PTCHD1: variants seen among roughly 807,000 people sequenced by gnomAD.
The protein encoded by PTCHD1 is patched domain containing 1, also known as patched domain-containing protein 1.
PTCHD1 carries 3 observed loss-of-function variants against 34.6 expected under a neutral mutation model. That is an observed-to-expected ratio of 0.09 (90% CI 0.04 to 0.22). The LOEUF is 0.22. Among genes scored for constraint, PTCHD1 ranks in the 10% least tolerant of loss-of-function variants. PTCHD1 has a pLI of 1.00. For synonymous variants in PTCHD1, 305 were observed against 283.1 expected (o/e 1.08, Z -0.77); for missense variants, 504 against 685.5 (o/e 0.74, Z 2.96).
chrX:23,365,916 T>G (rs910985873), intron 1 of PTCHD1, among the ~76,000 whole-genome samples: 1 of 112,259 alleles, frequency 8.9e-6, no homozygotes, highest in Non-Finnish European at 1.9e-5. Flanking sequence ...GACTGCACTT[T>G]AGAAGTGTAC....
At chrX:23,360,569 A>G (rs1039197840) in intron 1 of PTCHD1, among the ~76,000 whole-genome samples, 2 of 110,646 alleles carry the variant, frequency 1.8e-5, no homozygotes, top group African/African-American at 6.6e-5. Context: ...CTAGTGGTCT[A>G]TCTATTTTGT....
intron 2 of PTCHD1, among the ~76,000 whole-genome samples, chrX:23,380,829 C>T (rs1021125953): frequency 9.0e-6 from 1 of 111,423 alleles, no homozygotes. Context: ...TTCCCACAGA[C>T]CCTTTGTGAT....
chrX:23,366,027 C>T lies in PTCHD1; in HGVS notation c.352-13564C>T, dbSNP rs186090515. On this transcript the variant is annotated intron_variant, in intron 1 of 2. Transcript: ENST00000379361. ...AGACCCAAACCTGGGAAATGCAGCC[C>T]AAATGTTTAATCAGTACCATGGAGC... Among the ~76,000 whole-genome samples, 4 of 112,145 alleles carry T rather than the reference C, an allele frequency of 3.6e-5. No homozygotes were observed. In the Admixed American group the frequency reaches 3.8e-4, roughly 11 times the overall value.
rs1013217061 is a variant in PTCHD1, at chrX:23,394,710, G to A, written c.*525G>A. The A allele has an allele frequency of 8.7e-6, 1 of 114,695 alleles. No individual in the cohort carries two copies. The highest frequency in any genetic ancestry group is 1.8e-5 in the Non-Finnish European group (1 of 54,556). 9.5% of individuals were successfully genotyped at this position (114,695 alleles called of 1,213,427 possible). A position where few individuals can be genotyped will look rare whatever the true frequency, so the allele number is the denominator to read the frequency against. On this transcript the variant is annotated 3_prime_UTR_variant, in exon 3 of 3. Transcript: ENST00000379361. ...TCTCACCTAGCTCCCTAACACTGAA[G>A]GAGATACTTGTGAAAGTTCTGACCA...
intron 1 of PTCHD1, among the ~76,000 whole-genome samples, chrX:23,371,921 A>G (rs1187943259): frequency 9.0e-6 from 1 of 111,477 alleles, no homozygotes; most frequent in African/African-American, 3.3e-5. Context: ...CATGCCCATG[A>G]TGAGACAAAC....
chrX:23,361,496 T>G (rs1444910140), intron 1 of PTCHD1, among the ~76,000 whole-genome samples: 1 of 111,771 alleles, frequency 8.9e-6, no homozygotes, highest in South Asian at 3.8e-4. Flanking sequence ...GTTTTCCATT[T>G]GCTTGGTAGA....
At chrX:23,349,457 A>G (rs192221411) in intron 1 of PTCHD1, among the ~76,000 whole-genome samples, 2 of 112,122 alleles carry the variant, frequency 1.8e-5, no homozygotes, top group East Asian at 5.6e-4. Context: ...GTTAAAAGTA[A>G]AGGGATGGGG....
chrX:23,340,691 A>C (rs1921285476), intron 1 of PTCHD1, among the ~76,000 whole-genome samples: 1 of 112,190 alleles, frequency 8.9e-6, no homozygotes, highest in Non-Finnish European at 1.9e-5. Flanking sequence ...TTCGGTTTAG[A>C]AGGCACCTTA....
chrX:23,363,265 C>G (rs1320048707), intron 1 of PTCHD1, among the ~76,000 whole-genome samples: 1 of 112,788 alleles, frequency 8.9e-6, no homozygotes, highest in East Asian at 2.8e-4. Flanking sequence ...GAGGTGGAAT[C>G]TACAGAGGCA....
Position 23,342,298 on chromosome X carries a change from ATATATATATATATTTTTTTTTT to A in PTCHD1, c.351+7074_351+7095del, listed in dbSNP as rs1569132077. ...TATATATATATATATATATATATATATATATATATATATTTTTTTTTTTTTTTTTTTTTTAAAAGAATTGGGT... is the reference window on the plus strand; with the variant it reads ...TATATATATATATATATATATATATATTTTTTTTTTTTAAAAGAATTGGGT... On this transcript the variant is annotated intron_variant, in intron 1 of 2. Transcript: ENST00000379361. Among the ~76,000 whole-genome samples the A allele has an allele frequency of 4.9e-4, 4 of 8,213 alleles. No individual in the cohort carries two copies. The African/African-American group carries it at 7.0e-3, about 14-fold the overall frequency. The allele number at this position is 8,213 out of a possible 115,157, so 7.1% of individuals were successfully genotyped here.
chrX:23,354,647 A>G (rs1921750478), intron 1 of PTCHD1, among the ~76,000 whole-genome samples: 1 of 100,560 alleles, frequency 9.9e-6, no homozygotes, highest in South Asian at 4.7e-4. Flanking sequence ...ATCTCAGCTC[A>G]CTGCAACCTC....
intron 1 of PTCHD1, among the ~76,000 whole-genome samples, chrX:23,342,293 TATATATATATATATA>T (rs1921345296): frequency 8.1e-5 from 1 of 12,351 alleles, no homozygotes; most frequent in East Asian, 8.9e-4. Flanking sequence ...TATATATATA[TATATATATATATATA>T]TATTTTTTTT....
chrX:23,372,267 T>G (rs1922301084), intron 1 of PTCHD1, among the ~76,000 whole-genome samples: 1 of 109,778 alleles, frequency 9.1e-6, no homozygotes, highest in Non-Finnish European at 1.9e-5. Context: ...CAGAAGTTTT[T>G]TAAGTGTCTG....
chrX:23,359,061 T>C (rs1393786530), intron 1 of PTCHD1, among the ~76,000 whole-genome samples: 1 of 112,421 alleles, frequency 8.9e-6, no homozygotes, highest in Non-Finnish European at 1.9e-5. Context: ...CCTTGTAATA[T>C]AGTTTGAAGT....
intron 1 of PTCHD1, among the ~76,000 whole-genome samples, chrX:23,350,048 C>T (rs1036318831): frequency 6.1e-5 from 5 of 81,803 alleles, no homozygotes; most frequent in Non-Finnish European, 1.1e-4. Flanking sequence ...GGAAAGCTCC[C>T]TTTAGTGCTG....
intron 1 of PTCHD1, among the ~76,000 whole-genome samples, chrX:23,346,473 G>T (rs141297563): frequency 8.9e-6 from 1 of 111,860 alleles, no homozygotes; most frequent in Non-Finnish European, 1.9e-5. Context: ...AAACCAATCC[G>T]ACAGGATTCT....
Position 23,396,953 on chromosome X carries a change from T to G in PTCHD1, c.*2768T>G, listed in dbSNP as rs942383816. On this transcript the variant is annotated 3_prime_UTR_variant, in exon 3 of 3. Transcript: ENST00000379361. ...CTCAGAATCACATCCCCATAAAATC[T>G]AAGTCTTTACTTCATCAAGTTTTAC... The G allele has an allele frequency of 2.7e-5, 3 of 112,440 alleles. No individual in the cohort carries two copies. The highest frequency in any genetic ancestry group is 5.6e-5 in the Non-Finnish European group (3 of 53,306). 9.3% of individuals were successfully genotyped at this position (112,440 alleles called of 1,213,427 possible). A position where few individuals can be genotyped will look rare whatever the true frequency, so the allele number is the denominator to read the frequency against.
At chrX:23,374,154 G>A (rs1922341491) in intron 1 of PTCHD1, among the ~76,000 whole-genome samples, 1 of 109,210 alleles carries the variant, frequency 9.2e-6, no homozygotes. Flanking sequence ...TACGAACTCC[G>A]AGTCTTCCCT....
At chrX:23,358,899 T>C (rs1160226712) in intron 1 of PTCHD1, among the ~76,000 whole-genome samples, 1 of 112,388 alleles carries the variant, frequency 8.9e-6, no homozygotes, top group Non-Finnish European at 1.9e-5. Flanking sequence ...ATTTATAAAA[T>C]AGGGAATCCT....
Sources: gnomAD v4.1 joint callset for allele counts (sites outside exome capture counted in the v4.1 genomes callset) on GRCh38, gnomAD v4.1.1 for gene constraint, MANE v1.5 for transcripts, NCBI Gene and HGNC (gene_info 2026-07-23, HGNC 2026-07-21) for gene names.